PTCH1: variants seen among roughly 807,000 people sequenced by gnomAD.
PTCH1 encodes protein patched homolog 1.
Under a neutral mutation model 144.6 loss-of-function variants are expected in PTCH1, and 14 were observed. That is an observed-to-expected ratio of 0.10 (90% confidence interval 0.06 to 0.15). The LOEUF is 0.15. Ranked by LOEUF, PTCH1 falls within the 10% of genes least tolerant of loss-of-function variation. PTCH1 has a pLI of 1.00. For missense variants in PTCH1, 1,623 were observed against 1,948.3 expected (o/e 0.83, Z 3.14); for synonymous variants, 833 against 793.6 (o/e 1.05, Z -0.83).
In PTCH1 at chr9:95,487,334, A is replaced by G. The variant is rs116721849; in HGVS notation, c.395-1460T>C. Among the ~76,000 whole-genome samples, 948 of 152,350 alleles carry G rather than the reference A, an allele frequency of 6.2e-3. 14 individuals are homozygous for G. Among genetic ancestry groups the G allele is most frequent in the African/African-American group, 0.022 (914 of 41,582 alleles). Reference sequence around the variant, plus strand: ...AAAGGAATAAGACTTCTGTGTGCAGAAAACTTTGAAAAATGCCAGGGGGCA... The same window carrying G: ...AAAGGAATAAGACTTCTGTGTGCAGGAAACTTTGAAAAATGCCAGGGGGCA... On this transcript the variant is annotated intron_variant, in intron 2 of 23. Transcript: ENST00000331920.
chr9:95,485,967 T>C (rs901639060), intron 2 of PTCH1, 93 bp from the exon 3 acceptor site: 60 of 1,370,568 alleles, frequency 4.4e-5, no homozygotes, highest in Middle Eastern at 2.2e-4. Flanking sequence ...GGATACACAA[T>C]AGATGAACTC....
chr9:95,515,153 GA>G (rs1844308238), intron 1 of PTCH1, among the ~76,000 whole-genome samples: 1 of 152,152 alleles, frequency 6.6e-6, no homozygotes, highest in Non-Finnish European at 1.5e-5. Flanking sequence ...TTTCTTTGTG[GA>G]GGCGATTAAT....
At chr9:95,448,210 C>T (rs1303228899) in intron 22 of PTCH1, among the ~76,000 whole-genome samples, 1 of 152,248 alleles carries the variant, frequency 6.6e-6, no homozygotes, top group East Asian at 1.9e-4. Context: ...ACCAGATTCA[C>T]ACTGCAGCTC....
At chr9:95,460,474 T>C (rs1194643027) in intron 16 of PTCH1, among the ~76,000 whole-genome samples, 1 of 152,180 alleles carries the variant, frequency 6.6e-6, no homozygotes, top group Non-Finnish European at 1.5e-5. Flanking sequence ...GTACGTTTTA[T>C]ATACATAGAA....
rs763430290 is a variant in PTCH1, at chr9:95,476,894, C to T, written c.1504-37G>A. ...ACAGAGGATGGTGGCATTAGACATG[C>T]GAGATGCAATTCAGATGATTCTAAA... On this transcript the variant is annotated intron_variant, in intron 10 of 23. Transcript: ENST00000331920. The surrounding 1 kb of genome is among the most constrained non-coding windows in gnomAD (Gnocchi z 4.6). The T allele has an allele frequency of 6.3e-6, 10 of 1,579,178 alleles. No homozygotes were observed. Among genetic ancestry groups the T allele is most frequent in the South Asian group, 3.4e-5 (3 of 89,182 alleles).
chr9:95,508,681 C>T lies in PTCH1; in HGVS notation c.-320G>A, dbSNP rs1214293763. 6.1e-6 allele frequency: 6 copies of T among 987,208 alleles called. No homozygotes were observed. In the African/African-American group the frequency reaches 1.0e-4, roughly 17 times the overall value. 61.2% of individuals were successfully genotyped at this position (987,208 alleles called of 1,614,324 possible). A position where few individuals can be genotyped will look rare whatever the true frequency, so the allele number is the denominator to read the frequency against. On this transcript the variant is annotated 5_prime_UTR_variant, in exon 1 of 24. Transcript: ENST00000331920. ...CAGTTCGCGGAAGAGCGAGAGCCGGCGCGCCGAGCGAGCCTGTCCTTCGGG... is the reference window on the plus strand; with the variant it reads ...CAGTTCGCGGAAGAGCGAGAGCCGGTGCGCCGAGCGAGCCTGTCCTTCGGG...
chr9:95,505,465 T>A (rs1200296973), intron 2 of PTCH1, among the ~76,000 whole-genome samples: 1 of 152,150 alleles, frequency 6.6e-6, no homozygotes, highest in Non-Finnish European at 1.5e-5. Flanking sequence ...TTGAAACCTT[T>A]GTCACCAAAA....
intron 20 of PTCH1, chr9:95,451,262 A>T (rs1158187455): frequency 6.6e-6 from 1 of 152,226 alleles, no homozygotes; most frequent in Non-Finnish European, 1.5e-5. Flanking sequence ...CCACATTAAG[A>T]CATTTGCATC....
Position 95,445,363 on chromosome 9 carries a change from G to C in PTCH1, c.*1030C>G, listed in dbSNP as rs1837793467. ...GGGGCACCATGCTGCATGCTTTTTA[G>C]AGTATACAGACTCTCATGGCCCAGC... On this transcript the variant is annotated 3_prime_UTR_variant, in exon 24 of 24. Transcript: ENST00000331920. 1 of 152,160 alleles carries C rather than the reference G, an allele frequency of 6.6e-6. No individual in the cohort carries two copies. Among genetic ancestry groups the C allele is most frequent in the Admixed American group, 6.5e-5 (1 of 15,268 alleles). 9.4% of individuals were successfully genotyped at this position (152,160 alleles called of 1,614,324 possible).
intron 12 of PTCH1, among the ~76,000 whole-genome samples, chr9:95,471,696 G>A (rs914536281): frequency 6.6e-6 from 1 of 152,238 alleles, no homozygotes; most frequent in Non-Finnish European, 1.5e-5. Context: ...GGGTGGAGGG[G>A]TGGTCAGTCA....
intron 15 of PTCH1, 87 bp from the exon 16 acceptor site, chr9:95,462,085 G>A (rs1042509925): frequency 2.0e-6 from 3 of 1,478,942 alleles, no homozygotes; most frequent in African/African-American, 1.4e-5. Flanking sequence ...AGACTGAGCA[G>A]GGCAGGGGGC....
Position 95,476,895 on chromosome 9 carries a change from G to A in PTCH1, c.1504-38C>T, listed in dbSNP as rs554695427. 5.1e-6 allele frequency: 8 copies of A among 1,576,434 alleles called. No homozygotes were observed. The highest frequency in any genetic ancestry group is 1.1e-5 in the South Asian group (1 of 89,092). ...CAGAGGATGGTGGCATTAGACATGC[G>A]AGATGCAATTCAGATGATTCTAAAG... On this transcript the variant is annotated intron_variant, in intron 10 of 23. Coordinates refer to ENST00000331920, the MANE Select transcript of PTCH1 (RefSeq NM_000264.5). This position sits in a 1 kb window ranked among gnomAD's most constrained non-coding sequence, Gnocchi z 4.6.
intron 12 of PTCH1, among the ~76,000 whole-genome samples, chr9:95,470,364 C>A (rs572488393): frequency 6.6e-6 from 1 of 152,258 alleles, no homozygotes; most frequent in South Asian, 2.1e-4. Context: ...TCGAGTATAT[C>A]AAAATGTCCC....
chr9:95,498,999 G>A (rs1842966905), intron 2 of PTCH1, among the ~76,000 whole-genome samples: 4 of 152,186 alleles, frequency 2.6e-5, no homozygotes, highest in Admixed American at 2.6e-4. Flanking sequence ...AAGCAAGGAA[G>A]ACCTGAAGTG....
At position 95,469,067 on chromosome 9, in the gene PTCH1, T is replaced by C. The variant is rs772841736; in HGVS notation, c.1934A>G (p.Tyr645Cys). Residue 645 changes from tyrosine (Y) to cysteine (C), a missense_variant, in exon 14 of 24, where the codon TAC becomes TGC. This residue lies in a region of PTCH1 where 179 missense variants were observed against 165.7 expected (regional missense o/e 1.08). Transcript: ENST00000331920. ...TTCATGGGCAAAGCTGTGGCTGCTG[T>C]AGGGAGGTGGGGGGCTGTAGCGGGT... is the stretch of plus-strand genomic sequence containing the variant. ...DNTRYSPPPP[Y>C]SSHSFAHETQ... 13 of 1,613,570 alleles carry C rather than the reference T, an allele frequency of 8.1e-6. No individual in the cohort carries two copies. In the East Asian group the frequency reaches 2.5e-4, roughly 30 times the overall value.
At chr9:95,462,479 G>A (rs148070717) in intron 15 of PTCH1, among the ~76,000 whole-genome samples, 1,642 of 152,246 alleles carry the variant, frequency 0.011, 28 homozygotes, top group African/African-American at 0.038. Flanking sequence ...CAGGGTGAGC[G>A]AACACGATTC....
intron 3 of PTCH1, chr9:95,483,890 T>C (rs1265263032): frequency 1.3e-5 from 2 of 152,226 alleles, no homozygotes; most frequent in African/African-American, 4.8e-5. Context: ...AGGACATCAT[T>C]GTGCATTAGA....
At chr9:95,501,119 T>C (rs537541686) in intron 2 of PTCH1, among the ~76,000 whole-genome samples, 1 of 152,332 alleles carries the variant, frequency 6.6e-6, no homozygotes, top group East Asian at 1.9e-4. Context: ...ACGTCTTCCA[T>C]CTGCACAGCA....
chr9:95,490,261 G>A (rs1842287829), intron 2 of PTCH1, among the ~76,000 whole-genome samples: 1 of 151,652 alleles, frequency 6.6e-6, no homozygotes, highest in African/African-American at 2.4e-5. Context: ...ATCACTTAAG[G>A]CCAGGAGTCG....
Sources: gnomAD v4.1 joint callset for allele counts (sites outside exome capture counted in the v4.1 genomes callset) on GRCh38, gnomAD v4.1.1 for gene constraint, gnomAD v4.1.1 regional missense constraint, Gnocchi (gnomAD v3.1) non-coding constraint, MANE v1.5 for transcripts, NCBI Gene and HGNC (gene_info 2026-07-23, HGNC 2026-07-21) for gene names.